The following AKAP19 variants were observed in gnomAD, a reference collection of about 807,000 sequenced individuals.
AKAP19 encodes small A-kinase anchoring protein.
chr2:190,036,406 A>AT, the AKAP19 span, among the ~76,000 whole-genome samples: 7,801 of 152,174 alleles, frequency 0.051, 459 homozygotes, highest in African/African-American at 0.14. Flanking sequence ...TCCCAGATTT[A>AT]TTTTTCTGGT....
At chr2:190,081,540 T>C in the AKAP19 span, among the ~76,000 whole-genome samples, 2 of 152,240 alleles carry the variant, frequency 1.3e-5, no homozygotes, top group African/African-American at 2.4e-5. Flanking sequence ...TTGCCTTTTT[T>C]GACTTTTTCA....
chr2:189,886,231 G>A, the AKAP19 span, among the ~76,000 whole-genome samples: 35 of 152,106 alleles, frequency 2.3e-4, no homozygotes, highest in Non-Finnish European at 3.7e-4. Context: ...CAACCACTAG[G>A]GTTTTCCATT....
chr2:190,057,151 T>C, the AKAP19 span: 54 of 1,183,880 alleles, frequency 4.6e-5, no homozygotes, highest in Non-Finnish European at 6.5e-5. Flanking sequence ...TAAGTGACTG[T>C]AGCATACTCT....
At chr2:190,097,877 A>AAAAAAAAAAAG in the AKAP19 span, among the ~76,000 whole-genome samples, 1 of 147,706 alleles carries the variant, frequency 6.8e-6, no homozygotes, top group Admixed American at 6.7e-5. Context: ...AAAAAAAAAA[A>AAAAAAAAAAAG]AAAAGAAAAG....
At chr2:189,946,372 G>A in the AKAP19 span, among the ~76,000 whole-genome samples, 1 of 152,190 alleles carries the variant, frequency 6.6e-6, no homozygotes, top group Non-Finnish European at 1.5e-5. Flanking sequence ...TGGCTTGGGT[G>A]GCTGAGGTGG....
chr2:190,109,720 A>G, the AKAP19 span, among the ~76,000 whole-genome samples: 1 of 152,212 alleles, frequency 6.6e-6, no homozygotes, highest in Non-Finnish European at 1.5e-5. Context: ...GCCTGTTTCT[A>G]AAGTCCTTAA....
chr2:190,157,206 G>A, the AKAP19 span, among the ~76,000 whole-genome samples: 2 of 151,950 alleles, frequency 1.3e-5, no homozygotes, highest in East Asian at 3.9e-4. Flanking sequence ...CGTACCCAAG[G>A]CCTCACAGAA....
chr2:190,126,887 G>A, the AKAP19 span, among the ~76,000 whole-genome samples: 1 of 152,058 alleles, frequency 6.6e-6, no homozygotes, highest in African/African-American at 2.4e-5. Context: ...GACTATAGAT[G>A]TTGGGAAAGA....
the AKAP19 span, among the ~76,000 whole-genome samples, chr2:189,955,315 C>G: frequency 4.0e-5 from 6 of 151,750 alleles, no homozygotes; most frequent in African/African-American, 1.5e-4. Flanking sequence ...GTTTTTTTTG[C>G]TAGTATTCTA....
At chr2:190,088,416 T>C in the AKAP19 span, among the ~76,000 whole-genome samples, 2 of 152,170 alleles carry the variant, frequency 1.3e-5, no homozygotes, top group East Asian at 1.9e-4. Context: ...TCGTTTCCTT[T>C]TTGTCCCTTT....
the AKAP19 span, among the ~76,000 whole-genome samples, chr2:190,058,809 A>C: frequency 2.0e-5 from 3 of 151,978 alleles, no homozygotes; most frequent in Non-Finnish European, 4.4e-5. Flanking sequence ...GCAAAGACAT[A>C]CAGAGTAGTA....
the AKAP19 span, among the ~76,000 whole-genome samples, chr2:190,063,117 T>A: frequency 6.6e-6 from 1 of 152,118 alleles, no homozygotes; most frequent in Non-Finnish European, 1.5e-5. Context: ...GATTTTATAT[T>A]GTTTAGGCAA....
At chr2:190,146,261 T>G in the AKAP19 span, among the ~76,000 whole-genome samples, 1 of 152,208 alleles carries the variant, frequency 6.6e-6, no homozygotes, top group East Asian at 1.9e-4. Context: ...ACTGAGTTAC[T>G]TCACTTAGAA....
chr2:189,950,229 T>A, the AKAP19 span, among the ~76,000 whole-genome samples: 1 of 151,458 alleles, frequency 6.6e-6, no homozygotes, highest in African/African-American at 2.4e-5. Context: ...GGTTTCACCA[T>A]GTTGGCCAGG....
chr2:190,098,883 C>T, the AKAP19 span, among the ~76,000 whole-genome samples: 834 of 152,320 alleles, frequency 5.5e-3, 6 homozygotes, highest in African/African-American at 0.019. Context: ...ATTTTGGAGA[C>T]TGCTTCTTTC....
chr2:190,102,659 C>A, the AKAP19 span, among the ~76,000 whole-genome samples: 1 of 152,022 alleles, frequency 6.6e-6, no homozygotes, highest in African/African-American at 2.4e-5. Flanking sequence ...CCTGAACAGA[C>A]CAATACTGAG....
At chr2:189,962,896 C>T in the AKAP19 span, among the ~76,000 whole-genome samples, 1 of 151,666 alleles carries the variant, frequency 6.6e-6, no homozygotes, top group Non-Finnish European at 1.5e-5. Context: ...ATATATAATA[C>T]AATATAGAAG....
At chr2:190,166,002 G>C in the AKAP19 span, among the ~76,000 whole-genome samples, 1 of 152,118 alleles carries the variant, frequency 6.6e-6, no homozygotes, top group Non-Finnish European at 1.5e-5. Flanking sequence ...TTTAGAAAAA[G>C]AGTGAGTTTA....
At chr2:189,905,450 T>C in the AKAP19 span, among the ~76,000 whole-genome samples, 3 of 152,016 alleles carry the variant, frequency 2.0e-5, no homozygotes, top group Non-Finnish European at 2.9e-5. Flanking sequence ...GCCACACACA[T>C]TGAAGTCTGA....
Sources: gnomAD v4.1 joint callset for allele counts (sites outside exome capture counted in the v4.1 genomes callset) on GRCh38, gnomAD v4.1.1 for gene constraint, MANE v1.5 for transcripts, NCBI Gene and HGNC (gene_info 2026-07-23, HGNC 2026-07-21) for gene names.